FERMT2: variants seen among roughly 807,000 people sequenced by gnomAD.
The protein encoded by FERMT2 is FERM domain containing kindlin 2.
Under a neutral mutation model 82.7 loss-of-function variants are expected in FERMT2, and 15 were observed. The observed-to-expected ratio is 0.18, with a 90% CI of 0.12 to 0.28. The LOEUF is 0.28. Among genes scored for constraint, FERMT2 ranks in the 10% least tolerant of loss-of-function variants. The pLI, the probability that FERMT2 is intolerant of heterozygous loss-of-function variation, is 1.00. For synonymous variants in FERMT2, 274 were observed against 271.5 expected (o/e 1.01, Z -0.09); for missense variants, 645 against 809.4 (o/e 0.80, Z 2.46).
chr14:52,859,545 T>C lies in FERMT2; in HGVS notation c.1869+28A>G, dbSNP rs755812689. On this transcript the variant is annotated intron_variant, in intron 14 of 14. Transcript: ENST00000341590. ...ACTAATTTGTATCAGAGAAGGACTA[T>C]ATTCAAGTAACATTGTTATGAGTTT... The C allele has an allele frequency of 1.1e-5, 18 of 1,568,756 alleles. No homozygotes were observed. In the East Asian group the frequency reaches 3.9e-4, roughly 34 times the overall value.
chr14:52,912,656 T>C (rs746112026), intron 3 of FERMT2, among the ~76,000 whole-genome samples: 2 of 152,024 alleles, frequency 1.3e-5, no homozygotes, highest in Non-Finnish European at 2.9e-5. Flanking sequence ...ACCACAGGTG[T>C]GTGCCACCAT....
chr14:52,912,254 A>G (rs1888360633), intron 3 of FERMT2, among the ~76,000 whole-genome samples: 1 of 152,188 alleles, frequency 6.6e-6, no homozygotes, highest in South Asian at 2.1e-4. Context: ...TTTGTTTTCG[A>G]CAATTTCATA....
intron 3 of FERMT2, among the ~76,000 whole-genome samples, chr14:52,902,868 C>CAAAAAAAAAAAAAAAAAAAAA (rs1252336097): frequency 3.6e-4 from 2 of 5,544 alleles, no homozygotes; most frequent in African/African-American, 1.2e-3. Context: ...GACTCCGTCT[C>CAAAAAAAAAAAAAAAAAAAAA]AAAAAAAAAA....
intron 2 of FERMT2, among the ~76,000 whole-genome samples, chr14:52,933,264 G>A (rs541059396): frequency 1.3e-5 from 2 of 152,148 alleles, no homozygotes; most frequent in Non-Finnish European, 2.9e-5. Context: ...TTAAGCAGCT[G>A]TTAATTTGTT....
chr14:52,913,959 C>T (rs573156472), intron 3 of FERMT2, among the ~76,000 whole-genome samples: 36 of 152,116 alleles, frequency 2.4e-4, no homozygotes, highest in Admixed American at 1.9e-3. Context: ...GTGACAAGAA[C>T]CACATAGGTA....
chr14:52,925,908 T>C (rs1482408549), intron 2 of FERMT2, among the ~76,000 whole-genome samples: 1 of 152,140 alleles, frequency 6.6e-6, no homozygotes, highest in East Asian at 1.9e-4. Flanking sequence ...CCTCCCAAAG[T>C]GCTGGGATTA....
At chr14:52,869,445 G>C (rs1468583020) in intron 10 of FERMT2, among the ~76,000 whole-genome samples, 2 of 152,120 alleles carry the variant, frequency 1.3e-5, no homozygotes, top group African/African-American at 4.8e-5. Flanking sequence ...ATACAGTCAC[G>C]CATTGCATAA....
chr14:52,899,098 T>G (rs11157934), intron 3 of FERMT2, among the ~76,000 whole-genome samples: 1 of 151,842 alleles, frequency 6.6e-6, no homozygotes, highest in African/African-American at 2.4e-5. Context: ...TTAAGTAGCT[T>G]TTTTGTCTGT....
chr14:52,934,645 T>C (rs1889752706), intron 2 of FERMT2, among the ~76,000 whole-genome samples: 1 of 152,246 alleles, frequency 6.6e-6, no homozygotes, highest in African/African-American at 2.4e-5. Flanking sequence ...TAAGTTTACC[T>C]TCACTAAATT....
At chr14:52,921,645 T>G (rs914311571) in intron 2 of FERMT2, among the ~76,000 whole-genome samples, 1 of 152,108 alleles carries the variant, frequency 6.6e-6, no homozygotes, top group Non-Finnish European at 1.5e-5. Context: ...GGTAATCAAG[T>G]AGAGTTACTG....
intron 2 of FERMT2, among the ~76,000 whole-genome samples, chr14:52,943,840 C>T (rs1238679233): frequency 6.6e-6 from 1 of 152,174 alleles, no homozygotes; most frequent in African/African-American, 2.4e-5. Flanking sequence ...CCAAAGATAA[C>T]AGGTAAAATT....
chr14:52,878,089 G>T (rs942925948), intron 7 of FERMT2, among the ~76,000 whole-genome samples: 6 of 152,110 alleles, frequency 3.9e-5, no homozygotes, highest in Admixed American at 3.9e-4. Flanking sequence ...TCTACTTAAG[G>T]ATTATCATTG....
chr14:52,926,586 A>T (rs535734235), intron 2 of FERMT2, among the ~76,000 whole-genome samples: 113 of 152,186 alleles, frequency 7.4e-4, no homozygotes, highest in African/African-American at 2.7e-3. Flanking sequence ...CAAGGTCATG[A>T]TTTTCAGTTA....
At chr14:52,916,551 G>A (rs1004766095) in intron 3 of FERMT2, among the ~76,000 whole-genome samples, 9 of 152,036 alleles carry the variant, frequency 5.9e-5, no homozygotes, top group African/African-American at 1.9e-4. Context: ...GGATGAATAG[G>A]CAGAGCACAG....
chr14:52,881,230 A>G lies in FERMT2; in HGVS notation c.752+14T>C, dbSNP rs1886276032. The G allele has an allele frequency of 6.2e-7, 1 of 1,608,758 alleles. No homozygotes were observed. Among genetic ancestry groups the G allele is most frequent in the African/African-American group, 1.3e-5 (1 of 74,730 alleles). On this transcript the variant is annotated intron_variant, in intron 5 of 14. Coordinates refer to ENST00000341590, the MANE Select transcript of FERMT2 (RefSeq NM_006832.3). ...GATGAAGAAATTCAATTTTATCTAT[A>G]TCTTAAAACTTACCCTTGGTTGATT...
At chr14:52,915,072 C>T (rs1888544095) in intron 3 of FERMT2, among the ~76,000 whole-genome samples, 1 of 151,904 alleles carries the variant, frequency 6.6e-6, no homozygotes, top group Admixed American at 6.6e-5. Flanking sequence ...ATAGCAGTAT[C>T]CAATTAGAAA....
At chr14:52,925,545 C>G (rs1222150839) in intron 2 of FERMT2, among the ~76,000 whole-genome samples, 1 of 115,410 alleles carries the variant, frequency 8.7e-6, no homozygotes, top group Non-Finnish European at 1.7e-5. Context: ...GGCAACACAG[C>G]AAGACTCTGT....
intron 3 of FERMT2, among the ~76,000 whole-genome samples, chr14:52,899,611 G>A (rs970904538): frequency 2.0e-5 from 3 of 152,180 alleles, no homozygotes; most frequent in Non-Finnish European, 4.4e-5. Context: ...CTAGTTTAGG[G>A]AAGGGAGAGA....
At chr14:52,898,732 T>C (rs1204676871) in intron 3 of FERMT2, among the ~76,000 whole-genome samples, 1 of 52,754 alleles carries the variant, frequency 1.9e-5, no homozygotes, top group East Asian at 4.6e-4. Flanking sequence ...GTGGTGGTGG[T>C]ACTCTCTCTC....
Sources: allele counts gnomAD v4.1 joint callset (sites outside exome capture counted in the v4.1 genomes callset), GRCh38; gene constraint gnomAD v4.1.1; transcripts MANE v1.5; gene names NCBI Gene and HGNC (gene_info 2026-07-23, HGNC 2026-07-21).